MYO19: variants seen among roughly 807,000 people sequenced by gnomAD.
MYO19 encodes unconventional myosin-XIX.
In MYO19, 132 loss-of-function variants were observed where a neutral mutation model predicts 129.2. The ratio of observed to expected loss-of-function variants is 1.02; its 90% CI spans 0.89 to 1.18. The LOEUF (loss-of-function observed/expected upper bound fraction) is 1.18. Among genes scored for constraint, MYO19 ranks in the 50% most tolerant of loss-of-function variants. The pLI, the probability that MYO19 is intolerant of heterozygous loss-of-function variation, is 0.00. For missense variants in MYO19, 1,210 were observed against 1,216.7 expected (o/e 0.99, Z 0.08); for synonymous variants, 531 against 477.2 (o/e 1.11, Z -1.47).
At chr17:36,524,827 C>G (rs138494407) in intron 6 of MYO19, among the ~76,000 whole-genome samples, 43 of 152,332 alleles carry the variant, frequency 2.8e-4, no homozygotes, top group African/African-American at 9.6e-4. Flanking sequence ...CCTTCCCTTC[C>G]ATTTTACAAG....
At chr17:36,537,843 A>G, upstream of MYO19, 2 of 1,614,178 alleles carry the variant, frequency 1.2e-6, no homozygotes, top group East Asian at 2.2e-5. Flanking sequence ...TGTGAAATTG[A>G]TAACACCACT....
rs772062555 is a variant in MYO19 at position 36,506,608 on chromosome 17, C to T, written c.1645G>A (p.Asp549Asn). 7.2e-6 allele frequency: 11 copies of T among 1,523,098 alleles called. No individual in the cohort carries two copies. In the African/African-American group the frequency reaches 8.4e-5, roughly 12 times the overall value. The allele number at this position is 1,523,098 out of a possible 1,614,324, so 94.3% of individuals were successfully genotyped here. A position where few individuals can be genotyped will look rare whatever the true frequency, so the allele number is the denominator to read the frequency against. Residue 549 changes from aspartate (D) to asparagine (N), a missense_variant and splice_region_variant, in exon 18 of 26, where the codon GAC becomes AAC. Asp to Asn is a conservative substitution (Grantham distance 23, BLOSUM62 1). Coordinates refer to ENST00000614623, the MANE Select transcript of MYO19 (RefSeq NM_001163735.2). ...CTGGTCAGCTCAGGTGGGATAGGGT[C>T]CTATTGGGAAATGGCAAGAGCAGCA... ...HTAGLVEKNK[D>N]PIPPELTRLL... is the part of the protein sequence containing the mutation.
intron 6 of MYO19, among the ~76,000 whole-genome samples, chr17:36,522,379 G>T (rs997784105): frequency 6.6e-6 from 1 of 151,598 alleles, no homozygotes; most frequent in Non-Finnish European, 1.5e-5. Context: ...CTGGTGGCAG[G>T]CGCCTGTAAT....
rs56157145 is a variant in MYO19 at position 36,526,508 on chromosome 17, G to T, written c.300+1043C>A. Among the ~76,000 whole-genome samples the T allele has an allele frequency of 4.5e-3, 682 of 152,250 alleles. 8 individuals carry two copies. The highest frequency in any genetic ancestry group is 0.016 in the African/African-American group (668 of 41,538). ...ATAACTTATCCTTTTCTCAGTAAAA[G>T]AATAAGTTACTTTCCTCAGCAGAGA... On this transcript the variant is annotated intron_variant, in intron 5 of 25. Coordinates refer to ENST00000614623, the MANE Select transcript of MYO19 (RefSeq NM_001163735.2).
chr17:36,522,707 A>G (rs2073212441), intron 6 of MYO19, among the ~76,000 whole-genome samples: 2 of 151,702 alleles, frequency 1.3e-5, no homozygotes, highest in African/African-American at 2.4e-5. Context: ...CCACTCTACT[A>G]AAAATATAAA....
Position 36,495,746 on chromosome 17 carries a change from A to AT in MYO19, c.*504dup, listed in dbSNP as rs571628867. The AT allele has an allele frequency of 4.8e-6, 6 of 1,246,246 alleles. No individual in the cohort carries two copies. Among genetic ancestry groups the AT allele is most frequent in the Non-Finnish European group, 4.0e-6 (4 of 996,430 alleles). 77.2% of individuals were successfully genotyped at this position (1,246,246 alleles called of 1,614,324 possible). On this transcript the variant is annotated 3_prime_UTR_variant, in exon 26 of 26. Coordinates refer to ENST00000614623, the MANE Select transcript of MYO19 (RefSeq NM_001163735.2). ...TCAGTGTTAATAAAATCAAAACGTG[A>AT]TTCTACTGTACATTGCATTATTCAT... is the stretch of plus-strand genomic sequence containing the variant.
chr17:36,511,230 G>C lies in MYO19; in HGVS notation c.985+135C>G, dbSNP rs2072301138. On this transcript the variant is annotated intron_variant, in intron 12 of 25. Transcript: ENST00000614623. ...GACAGGGTGAGGAGTAAATGATCCA[G>C]GGCCAGGCCCTATGGTGGGTGGCAT... 4 of 923,378 alleles carry C rather than the reference G, an allele frequency of 4.3e-6. No homozygotes were observed. In the African/African-American group the frequency reaches 6.5e-5, roughly 15 times the overall value. 57.2% of individuals were successfully genotyped at this position (923,378 alleles called of 1,614,324 possible). A position where few individuals can be genotyped will look rare whatever the true frequency, so the allele number is the denominator to read the frequency against.
chr17:36,503,868 G>T, intron 20 of MYO19, 82 bp downstream of exon 20: 1 of 1,160,440 alleles, frequency 8.6e-7, no homozygotes. Context: ...CTCACTCTGG[G>T]TTGGGCAGGC....
At chr17:36,544,805 C>T (rs2074230163), upstream of MYO19, 1 of 152,656 alleles carries the variant, frequency 6.6e-6, no homozygotes, top group Non-Finnish European at 1.5e-5. Flanking sequence ...GCGCAAATTT[C>T]TCCAGCGGGG....
chr17:36,495,890 G>A lies in MYO19; in HGVS notation c.*361C>T, dbSNP rs1328323250. Reference sequence around the variant, plus strand: ...AGCCCAAATTCCAGCGCCAATTTTAGGCCAACTTTGGCTGTTTTCTTCCAA... The same window carrying A: ...AGCCCAAATTCCAGCGCCAATTTTAAGCCAACTTTGGCTGTTTTCTTCCAA... On this transcript the variant is annotated 3_prime_UTR_variant, in exon 26 of 26. Transcript: ENST00000614623. 3.3e-6 allele frequency: 4 copies of A among 1,225,704 alleles called. No homozygotes were observed. The African/African-American group carries it at 6.2e-5, about 19-fold the overall frequency. The allele number at this position is 1,225,704 out of a possible 1,614,324, so 75.9% of individuals were successfully genotyped here.
Position 36,505,322 on chromosome 17 carries a change from TG to T in MYO19, c.1879del (p.Gln627ArgfsTer11). Reference sequence around the variant, plus strand: ...CTCCTCTTGGAGAAAGGTCTGCGCCTGGCCCTGGCTGTTGGGCTTGATGCAG... The same window carrying T: ...CTCCTCTTGGAGAAAGGTCTGCGCCTGCCCTGGCTGTTGGGCTTGATGCAG... ...IRCIKPNSQG[Q>X]AQTFLQEEVL... is the part of the protein sequence containing the mutation. On this transcript the variant is annotated frameshift_variant, in exon 19 of 26. Transcript: ENST00000614623. LOFTEE classifies it high-confidence loss of function. 1 of 1,614,254 alleles carries T rather than the reference TG, an allele frequency of 6.2e-7. No homozygotes were observed. Among genetic ancestry groups the T allele is most frequent in the Non-Finnish European group, 8.5e-7 (1 of 1,180,036 alleles).
At position 36,496,223 on chromosome 17, in the gene MYO19, G is replaced by A. The variant is rs778874701; in HGVS notation, c.*28C>T. On this transcript the variant is annotated 3_prime_UTR_variant, in exon 26 of 26. Coordinates refer to ENST00000614623, the MANE Select transcript of MYO19 (RefSeq NM_001163735.2). ...TTTGGCAAGGCAGGGGGCAGGAAAAGGCCTTGTGGAAACAAAGGCACCAAG... is the reference window on the plus strand; with the variant it reads ...TTTGGCAAGGCAGGGGGCAGGAAAAAGCCTTGTGGAAACAAAGGCACCAAG... 1.9e-6 allele frequency: 3 copies of A among 1,611,946 alleles called. No homozygotes were observed. Among genetic ancestry groups the A allele is most frequent in the African/African-American group, 1.3e-5 (1 of 74,994 alleles).
chr17:36,525,503 C>T (rs1262086666), intron 5 of MYO19, among the ~76,000 whole-genome samples, 162 bp from the exon 6 acceptor site: 1 of 152,176 alleles, frequency 6.6e-6, no homozygotes, highest in Non-Finnish European at 1.5e-5. Context: ...ACTTTAGAAC[C>T]CCTATGTTGG....
chr17:36,507,674 T>C, intron 15 of MYO19, 129 bp downstream of exon 15: 1 of 1,278,378 alleles, frequency 7.8e-7, no homozygotes, highest in Non-Finnish European at 1.1e-6. Context: ...GCAATTATTA[T>C]TTGTCAATTA....
At chr17:36,543,493 A>G (rs1405979413), upstream of MYO19, 1 of 152,188 alleles carries the variant, frequency 6.6e-6, no homozygotes, top group African/African-American at 2.4e-5. Context: ...CACCTTCGGG[A>G]ATGAACAATG....
rs570452791 is a variant in MYO19, at chr17:36,509,128, C to T, written c.1165G>A (p.Asp389Asn). ...LAKLIYARLFDWLVSVINSSI... is the reference protein window; with the variant it reads ...LAKLIYARLFNWLVSVINSSI... ...CTGTTGATCACTGATACCAGCCAGT[C>T]AAACAACCTGTTGGGGGAAGAGAGT... The change falls in exon 14 of 26, where the codon GAC (aspartate) becomes AAC (asparagine). Residue 389 changes from aspartate (D) to asparagine (N), a missense_variant. Transcript: ENST00000614623. The T allele has an allele frequency of 6.2e-6, 10 of 1,613,762 alleles. No homozygotes were observed. Among genetic ancestry groups the T allele is most frequent in the Admixed American group, 1.7e-5 (1 of 59,996 alleles).
At position 36,527,584 on chromosome 17, in the gene MYO19, T is replaced by C; in HGVS notation, c.267A>G (p.Leu89=). 6.2e-7 allele frequency: 1 copy of C among 1,613,940 alleles called. No individual in the cohort carries two copies. The highest frequency in any genetic ancestry group is 8.5e-7 in the Non-Finnish European group (1 of 1,179,874). The change falls in exon 5 of 26, where the codon CTA becomes CTG. Residue 89 remains leucine (L), a synonymous_variant. Transcript: ENST00000614623. ...GAGGCGCAGCATGGTACTCTCTCAT[T>C]AGCTCGGGCGAGTAGAGCTGAGGAA... ...KPVPQLYSPE[L]MREYHAAPQP...
At chr17:36,504,181 G>A (rs1599244008) in intron 19 of MYO19, 161 bp from the exon 20 acceptor site, 1 of 527,138 alleles carries the variant, frequency 1.9e-6, no homozygotes, top group Non-Finnish European at 3.3e-6. Flanking sequence ...GTGAGAAATC[G>A]AGGGACCTTG....
At chr17:36,517,862 G>A (rs189896868) in intron 6 of MYO19, among the ~76,000 whole-genome samples, 150 of 151,988 alleles carry the variant, frequency 9.9e-4, no homozygotes, top group African/African-American at 3.5e-3. Context: ...GCTGAGGTGG[G>A]TGGATTGCCT....
Sources: gnomAD v4.1 joint callset for allele counts (sites outside exome capture counted in the v4.1 genomes callset) on GRCh38, gnomAD v4.1.1 for gene constraint, MANE v1.5 for transcripts, NCBI Gene and HGNC (gene_info 2026-07-23, HGNC 2026-07-21) for gene names.